TTC38: variants seen among roughly 807,000 people sequenced by gnomAD.
The protein encoded by TTC38 is tetratricopeptide repeat protein 38.
In TTC38, 64 loss-of-function variants were observed where a neutral mutation model predicts 64.2. The observed-to-expected ratio is 1.00, with a 90% confidence interval of 0.81 to 1.23. The LOEUF (loss-of-function observed/expected upper bound fraction) is 1.23, where lower values mean the gene tolerates loss of function less well. Ranked by LOEUF, TTC38 falls within the 50% of genes most tolerant of loss-of-function variation. The pLI, the probability that TTC38 is intolerant of heterozygous loss-of-function variation, is 0.00. For missense variants in TTC38, 573 were observed against 615.5 expected (o/e 0.93, Z 0.73); for synonymous variants, 254 against 249.3 (o/e 1.02, Z -0.18).
In TTC38 at chr22:46,281,767, C is replaced by G; in HGVS notation, c.735+49C>G. On this transcript the variant is annotated intron_variant, in intron 7 of 13. Transcript: ENST00000381031. This position sits in a 1 kb window ranked among gnomAD's most constrained non-coding sequence, Gnocchi z 5.2. The stretch of plus-strand genomic sequence containing the variant: ...CCTCCCTGGGAAATTCAGTGCATCC[C>G]CTTGAGTCAGGCCAAGGCTTTATGG... 6.2e-7 allele frequency: 1 copy of G among 1,610,654 alleles called. No homozygotes were observed. Among genetic ancestry groups the G allele is most frequent in the South Asian group, 1.1e-5 (1 of 90,968 alleles).
At chr22:46,288,391 C>T (rs1286602476) in intron 10 of TTC38, 32 bp from the exon 11 acceptor site, 7 of 1,601,682 alleles carry the variant, frequency 4.4e-6, no homozygotes, top group South Asian at 1.1e-5. Context: ...GAGCCTCACT[C>T]CAGGCCCTGG....
chr22:46,292,653 C>T lies in TTC38; in HGVS notation c.1317-138C>T, dbSNP rs2077624381. 7 of 748,400 alleles carry T rather than the reference C, an allele frequency of 9.4e-6. No individual in the cohort carries two copies. In the East Asian group the frequency reaches 1.5e-4, roughly 16 times the overall value. The allele number at this position is 748,400 out of a possible 1,614,324, so 46.4% of individuals were successfully genotyped here. The stretch of plus-strand genomic sequence containing the variant: ...CCCCAAACTGAGGCCAGGCCTCCTG[C>T]CCCTGGGCCTTGGCCCTTGCTGTTC... On this transcript the variant is annotated intron_variant, in intron 13 of 13. Coordinates refer to ENST00000381031, the MANE Select transcript of TTC38 (RefSeq NM_017931.4). The surrounding 1 kb of genome is among the most constrained non-coding windows in gnomAD (Gnocchi z 6.5).
intron 10 of TTC38, among the ~76,000 whole-genome samples, chr22:46,287,571 GT>G (rs2077580939): frequency 6.6e-6 from 1 of 152,242 alleles, no homozygotes; most frequent in Admixed American, 6.5e-5. Context: ...TCTCAACCTT[GT>G]CATGCTCTGC....
chr22:46,276,303 G>A lies in TTC38; in HGVS notation c.539+882G>A, dbSNP rs1168765949. Among the ~76,000 whole-genome samples the A allele has an allele frequency of 2.0e-5, 3 of 152,012 alleles. No individual in the cohort carries two copies. Among genetic ancestry groups the A allele is most frequent in the Non-Finnish European group, 4.4e-5 (3 of 68,026 alleles). On this transcript the variant is annotated intron_variant, in intron 5 of 13. Coordinates refer to ENST00000381031, the MANE Select transcript of TTC38 (RefSeq NM_017931.4). The surrounding 1 kb of genome is among the most constrained non-coding windows in gnomAD (Gnocchi z 4.7). ...TGCAGGCAGAATTTCTTCTTCTAGG[G>A]GCCTCCGTCTTTCTCTTAAGGCCTT...
In TTC38 at chr22:46,272,205, G is replaced by A; in HGVS notation, c.112-130G>A. 9 of 646,672 alleles carry A rather than the reference G, an allele frequency of 1.4e-5. No individual in the cohort carries two copies. Among genetic ancestry groups the A allele is most frequent in the South Asian group, 5.2e-5 (3 of 58,184 alleles). The allele number at this position is 646,672 out of a possible 1,614,324, so 40.1% of individuals were successfully genotyped here. On this transcript the variant is annotated intron_variant, in intron 2 of 13. Coordinates refer to ENST00000381031, the MANE Select transcript of TTC38 (RefSeq NM_017931.4). The surrounding 1 kb of genome is among the most constrained non-coding windows in gnomAD (Gnocchi z 6.4). Reference sequence around the variant, plus strand: ...GGGGTTTTACCGTGTTGGTCAGGCTGGTCTCGAACTCCTGACCTCAGATGT... The same window carrying A: ...GGGGTTTTACCGTGTTGGTCAGGCTAGTCTCGAACTCCTGACCTCAGATGT...
intron 9 of TTC38, 147 bp downstream of exon 9, chr22:46,285,426 T>A: frequency 1.2e-6 from 1 of 805,468 alleles, no homozygotes; most frequent in East Asian, 2.6e-5. Context: ...CCTCATGGGG[T>A]TAATTTTGCC....
chr22:46,283,911 T>C, intron 7 of TTC38, 62 bp from the exon 8 acceptor site: 1 of 1,056,464 alleles, frequency 9.5e-7, no homozygotes, highest in Non-Finnish European at 1.4e-6. Context: ...CAAAACAACA[T>C]TTGTTTTTTT....
At position 46,291,553 on chromosome 22, in the gene TTC38, C is replaced by G. The variant is rs115703876; in HGVS notation, c.1317-1238C>G. On this transcript the variant is annotated intron_variant, in intron 13 of 13. Transcript: ENST00000381031. The surrounding 1 kb of genome is among the most constrained non-coding windows in gnomAD (Gnocchi z 4.6). The stretch of plus-strand genomic sequence containing the variant: ...TTCCACCCACAGCCATGGTGCCCCC[C>G]ACAATGAGTTCCCGGCCCCAGCCCC... Among the ~76,000 whole-genome samples, 2 of 152,204 alleles carry G rather than the reference C, an allele frequency of 1.3e-5. No homozygotes were observed. Among genetic ancestry groups the G allele is most frequent in the Non-Finnish European group, 2.9e-5 (2 of 68,038 alleles).
Position 46,288,506 on chromosome 22 carries a change from G to A in TTC38, c.1000G>A (p.Ala334Thr), listed in dbSNP as rs1248949562. Reference protein sequence around the residue: ...SRDHILLFNDAHFLMASLGAH... With the variant: ...SRDHILLFNDTHFLMASLGAH... ...AGACCACATCCTGCTGTTCAATGACGCACACTTCCTGATGGCATCCCTGGG... is the reference window on the plus strand; with the variant it reads ...AGACCACATCCTGCTGTTCAATGACACACACTTCCTGATGGCATCCCTGGG... Residue 334 changes from alanine (A) to threonine (T), a missense_variant, in exon 11 of 14, where the codon GCA (alanine) becomes ACA (threonine). Physicochemically the swap from Ala to Thr is moderately conservative, Grantham distance 58. Coordinates refer to ENST00000381031, the MANE Select transcript of TTC38 (RefSeq NM_017931.4). The A allele has an allele frequency of 2.5e-6, 4 of 1,613,896 alleles. No individual in the cohort carries two copies. The highest frequency in any genetic ancestry group is 2.2e-5 in the South Asian group (2 of 91,092).
rs1270397590 is a variant in TTC38 at position 46,275,792 on chromosome 22, C to T, written c.539+371C>T. On this transcript the variant is annotated intron_variant, in intron 5 of 13. Coordinates refer to ENST00000381031, the MANE Select transcript of TTC38 (RefSeq NM_017931.4). The surrounding 1 kb of genome is among the most constrained non-coding windows in gnomAD (Gnocchi z 4.5). ...CCATCTGGGATCCCAGCTGATGAAG[C>T]AACTGCCCTCTGGACATACCTGTCA... Among the ~76,000 whole-genome samples the T allele has an allele frequency of 6.6e-6, 1 of 152,168 alleles. No individual in the cohort carries two copies. The highest frequency in any genetic ancestry group is 1.5e-5 in the Non-Finnish European group (1 of 68,030).
intron 6 of TTC38, among the ~76,000 whole-genome samples, chr22:46,279,786 C>T (rs2077520152): frequency 6.6e-6 from 1 of 152,152 alleles, no homozygotes; most frequent in African/African-American, 2.4e-5. Flanking sequence ...CCTGGGTGAC[C>T]AGACAGCACC....
In TTC38 at chr22:46,268,027, G is replaced by T; in HGVS notation, c.-13G>T. On this transcript the variant is annotated 5_prime_UTR_variant, in exon 1 of 14. Transcript: ENST00000381031. Reference sequence around the variant, plus strand: ...GTGCCCAGAGCTCGCGGTGGACTCCGACCCGGCGCAACATGGCCGCAGCCT... The same window carrying T: ...GTGCCCAGAGCTCGCGGTGGACTCCTACCCGGCGCAACATGGCCGCAGCCT... The T allele has an allele frequency of 6.5e-7, 1 of 1,534,840 alleles. No individual in the cohort carries two copies. Among genetic ancestry groups the T allele is most frequent in the Non-Finnish European group, 8.7e-7 (1 of 1,147,056 alleles).
In TTC38 at chr22:46,280,238, C is replaced by G. The variant is rs531587480; in HGVS notation, c.616-1361C>G. ...AGCAGGCAGGCGGCAGGCACAGGCA[C>G]AGCCACAGAGCTTGGGGACCTGGAG... On this transcript the variant is annotated intron_variant, in intron 6 of 13. Coordinates refer to ENST00000381031, the MANE Select transcript of TTC38 (RefSeq NM_017931.4). 7.4e-5 allele frequency: 35 copies of G among 469,832 alleles called. 1 individual carries two copies. Among genetic ancestry groups the G allele is most frequent in the Admixed American group, 6.8e-4 (29 of 42,416 alleles). The allele number at this position is 469,832 out of a possible 1,614,324, so 29.1% of individuals were successfully genotyped here.
At chr22:46,289,663 T>C in intron 12 of TTC38, 102 bp downstream of exon 12, 1 of 1,486,440 alleles carries the variant, frequency 6.7e-7, no homozygotes, top group South Asian at 1.2e-5. Flanking sequence ...GCCAACAATG[T>C]GGGTGTGAAC....
Position 46,289,917 on chromosome 22 carries a change from G to T in TTC38, c.1316+18G>T, listed in dbSNP as rs1231663077. The T allele has an allele frequency of 3.5e-5, 56 of 1,611,904 alleles. No individual in the cohort carries two copies. The highest frequency in any genetic ancestry group is 4.7e-5 in the Non-Finnish European group (55 of 1,178,182). Reference sequence around the variant, plus strand: ...GTAGCCCGGTGAGCTCCTGGCCCCTGCCCAGCACTCCCGACCTTCACAGGC... The same window carrying T: ...GTAGCCCGGTGAGCTCCTGGCCCCTTCCCAGCACTCCCGACCTTCACAGGC... On this transcript the variant is annotated intron_variant, in intron 13 of 13. Transcript: ENST00000381031.
intron 1 of TTC38, 28 bp from the exon 2 acceptor site, chr22:46,268,486 A>G: frequency 6.2e-7 from 1 of 1,612,924 alleles, no homozygotes; most frequent in African/African-American, 1.3e-5. Context: ...GAGAGAAGGC[A>G]CTGCTATTCC....
chr22:46,273,815 GTC>G lies in TTC38; in HGVS notation c.194-79_194-78del. On this transcript the variant is annotated intron_variant, in intron 3 of 13. Transcript: ENST00000381031. This position sits in a 1 kb window ranked among gnomAD's most constrained non-coding sequence, Gnocchi z 5.1. Reference sequence around the variant, plus strand: ...GCTGGCCCCTCCTGGGACGTGGGGTGTCTCTGTGACATGTGGAGTCTGGGCTG... The same window carrying G: ...GCTGGCCCCTCCTGGGACGTGGGGTGTCTGTGACATGTGGAGTCTGGGCTG... The G allele has an allele frequency of 1.4e-6, 2 of 1,448,480 alleles. 1 individual carries two copies. The highest frequency in any genetic ancestry group is 2.5e-5 in the South Asian group (2 of 81,470). 89.7% of individuals were successfully genotyped at this position (1,448,480 alleles called of 1,614,324 possible).
At chr22:46,289,285 AGTGTGGCAT>A in intron 11 of TTC38, 108 bp from the exon 12 acceptor site, 2 of 1,275,820 alleles carry the variant, frequency 1.6e-6, no homozygotes, top group Middle Eastern at 4.3e-4. Context: ...TCACCTCATC[AGTGTGGCAT>A]GTGTCAGGCA....
intron 1 of TTC38, 150 bp downstream of exon 1, chr22:46,268,222 G>A: frequency 1.1e-6 from 1 of 897,880 alleles, no homozygotes; most frequent in East Asian, 2.8e-5. Context: ...ACGCCTGGAA[G>A]GGACCCGAGG....
Sources: gnomAD v4.1 joint callset for allele counts (sites outside exome capture counted in the v4.1 genomes callset) on GRCh38, gnomAD v4.1.1 for gene constraint, Gnocchi (gnomAD v3.1) non-coding constraint, MANE v1.5 for transcripts, NCBI Gene and HGNC (gene_info 2026-07-23, HGNC 2026-07-21) for gene names.